GSE1: variants seen among roughly 807,000 people sequenced by gnomAD.
The protein encoded by GSE1 is genetic suppressor element 1.
GSE1 carries 32 observed loss-of-function variants against 112.6 expected under a neutral mutation model. The observed-to-expected ratio is 0.28, with a 90% CI of 0.21 to 0.38. The LOEUF is 0.38. GSE1 is among the 10% of genes least tolerant of loss of function. The pLI is 1.00. For synonymous variants in GSE1, 1,115 were observed against 735.6 expected (o/e 1.52, Z -8.35); for missense variants, 2,348 against 1,699.2 (o/e 1.38, Z -6.71).
chr16:85,293,712 C>T (rs2045286619), intron 1 of GSE1, among the ~76,000 whole-genome samples: 2 of 152,178 alleles, frequency 1.3e-5, no homozygotes, highest in Non-Finnish European at 2.9e-5. Flanking sequence ...TCTGGCATTG[C>T]CCACAGTCCT....
rs1183186747 is a variant in GSE1, at chr16:85,648,541, C to G, written c.227-11C>G. 1 of 1,477,156 alleles carries G rather than the reference C, an allele frequency of 6.8e-7. No homozygotes were observed. The highest frequency in any genetic ancestry group is 1.8e-4 in the Middle Eastern group (1 of 5,546). The allele number at this position is 1,477,156 out of a possible 1,614,324, so 91.5% of individuals were successfully genotyped here. On this transcript the variant is annotated splice_polypyrimidine_tract_variant and intron_variant, in intron 2 of 15. Transcript: ENST00000253458. ...CGGCTCCCACTCAGGCCACCGTCTT[C>G]TCCTCCACAGGGTCCTCACTGAGCA... is the stretch of plus-strand genomic sequence containing the variant.
chr16:85,374,402 C>G (rs1221328901), intron 2 of GSE1, among the ~76,000 whole-genome samples: 1 of 151,062 alleles, frequency 6.6e-6, no homozygotes, highest in Non-Finnish European at 1.5e-5. Flanking sequence ...TTGTGTGTGG[C>G]CCTCCGTGTG....
chr16:85,322,136 G>A (rs1004518260), intron 1 of GSE1, among the ~76,000 whole-genome samples: 5 of 152,236 alleles, frequency 3.3e-5, no homozygotes, highest in Non-Finnish European at 5.9e-5. Flanking sequence ...CTTCCAAGGC[G>A]CTCAGAGCAG....
At chr16:85,516,070 C>G (rs1445967979) in intron 2 of GSE1, among the ~76,000 whole-genome samples, 2 of 152,140 alleles carry the variant, frequency 1.3e-5, no homozygotes, top group African/African-American at 2.4e-5. Flanking sequence ...TAGTGGCATC[C>G]CTGGTCTTCA....
At chr16:85,360,738 A>G (rs1433217767) in intron 2 of GSE1, among the ~76,000 whole-genome samples, 1 of 152,020 alleles carries the variant, frequency 6.6e-6, no homozygotes, top group East Asian at 1.9e-4. Context: ...TCGGAGACAC[A>G]GCTCACAGAC....
At chr16:85,644,234 G>C (rs1328891623) in intron 2 of GSE1, among the ~76,000 whole-genome samples, 1 of 152,052 alleles carries the variant, frequency 6.6e-6, no homozygotes, top group Non-Finnish European at 1.5e-5. Context: ...GGCTCCTCAG[G>C]AGGCTGAGGT....
At chr16:85,268,335 G>A (rs1210326791) in intron 1 of GSE1, among the ~76,000 whole-genome samples, 1 of 152,046 alleles carries the variant, frequency 6.6e-6, no homozygotes, top group Non-Finnish European at 1.5e-5. Flanking sequence ...AATGATAATG[G>A]TCACAGTACA....
chr16:85,477,566 G>GTTTTT (rs553936246), intron 2 of GSE1, among the ~76,000 whole-genome samples: 3 of 128,076 alleles, frequency 2.3e-5, no homozygotes, highest in Non-Finnish European at 4.8e-5. Context: ...TTTTTTTTTT[G>GTTTTT]TTTTTTTTTT....
intron 2 of GSE1, among the ~76,000 whole-genome samples, chr16:85,537,455 G>A (rs897978083): frequency 5.1e-4 from 77 of 152,200 alleles, no homozygotes; most frequent in African/African-American, 1.7e-3. Context: ...AGGGCTGCCC[G>A]GCCGGCCCAA....
chr16:85,282,783 A>G (rs2044893440), intron 1 of GSE1, among the ~76,000 whole-genome samples: 1 of 152,238 alleles, frequency 6.6e-6, no homozygotes, highest in African/African-American at 2.4e-5. Flanking sequence ...TCTCTTGACA[A>G]ATTTGCATAA....
chr16:85,479,788 C>T (rs982952917), intron 2 of GSE1, among the ~76,000 whole-genome samples: 12 of 152,280 alleles, frequency 7.9e-5, no homozygotes, highest in Admixed American at 2.6e-4. Flanking sequence ...TGCCAGGTGC[C>T]GGCCTGAACC....
chr16:85,369,626 C>T (rs575489202), intron 2 of GSE1, among the ~76,000 whole-genome samples: 1 of 152,306 alleles, frequency 6.6e-6, no homozygotes, highest in Non-Finnish European at 1.5e-5. Flanking sequence ...GGATACTCTC[C>T]CCATCTCAAG....
At chr16:85,638,985 T>G (rs753524386) in intron 2 of GSE1, among the ~76,000 whole-genome samples, 10 of 152,094 alleles carry the variant, frequency 6.6e-5, no homozygotes, top group South Asian at 2.1e-4. Context: ...AAATGGGGCT[T>G]GGAGTGCCCG....
Position 85,412,685 on chromosome 16 carries a change from G to A in GSE1, c.2464+55042G>A, listed in dbSNP as rs111411307. ...AGGGCCCCCCTGGATAATCCTCACCGTTACACTCAGGGCACCTGGATAATC... is the reference window on the plus strand; with the variant it reads ...AGGGCCCCCCTGGATAATCCTCACCATTACACTCAGGGCACCTGGATAATC... On this transcript the variant is annotated intron_variant, in intron 2 of 2. Coordinates refer to the GSE1 transcript ENST00000637419. Among the ~76,000 whole-genome samples, 9 of 82,642 alleles carry A rather than the reference G, an allele frequency of 1.1e-4. 1 individual carries two copies. The highest frequency in any genetic ancestry group is 2.4e-4 in the Admixed American group (2 of 8,206). 54.2% of individuals were successfully genotyped at this position (82,642 alleles called of 152,430 possible).
chr16:85,591,760 C>G (rs1428210519), intron 1 of GSE1, among the ~76,000 whole-genome samples: 4 of 151,924 alleles, frequency 2.6e-5, no homozygotes, highest in Admixed American at 6.6e-5. Flanking sequence ...TTCATTCATT[C>G]CATAAATGGA....
chr16:85,607,911 G>C (rs1261083124), upstream of GSE1, among the ~76,000 whole-genome samples: 1 of 152,198 alleles, frequency 6.6e-6, no homozygotes, highest in Non-Finnish European at 1.5e-5. Context: ...CGGCCTGCAG[G>C]GTGGCTGGTG....
chr16:85,298,095 T>C (rs966551017), intron 1 of GSE1, among the ~76,000 whole-genome samples: 2 of 152,224 alleles, frequency 1.3e-5, no homozygotes, highest in African/African-American at 4.8e-5. Flanking sequence ...CCAGAGCTTC[T>C]CAAACTGCAA....
chr16:85,627,744 A>G (rs1038502829), intron 1 of GSE1, among the ~76,000 whole-genome samples: 1 of 152,062 alleles, frequency 6.6e-6, no homozygotes, highest in Non-Finnish European at 1.5e-5. Context: ...TGTTAGGATA[A>G]TGAATTTACA....
chr16:85,488,086 G>A (rs1029801872), intron 2 of GSE1, among the ~76,000 whole-genome samples: 1 of 152,154 alleles, frequency 6.6e-6, no homozygotes, highest in Non-Finnish European at 1.5e-5. Flanking sequence ...TCCTCGCTGT[G>A]ACCTTGCAGG....
Sources: gnomAD v4.1 joint callset for allele counts (sites outside exome capture counted in the v4.1 genomes callset) on GRCh38, gnomAD v4.1.1 for gene constraint, MANE v1.5 for transcripts, NCBI Gene and HGNC (gene_info 2026-07-23, HGNC 2026-07-21) for gene names.